The following CCDC63 variants were observed in gnomAD, a reference collection of about 807,000 sequenced individuals.
CCDC63 encodes coiled-coil domain containing 63.
A neutral mutation model predicts 63.6 loss-of-function variants in CCDC63; 54 were observed. The ratio of observed to expected loss-of-function variants is 0.85; its 90% confidence interval spans 0.68 to 1.07. The LOEUF (loss-of-function observed/expected upper bound fraction) is 1.07, where lower values mean the gene tolerates loss of function less well. CCDC63 is among the 50% of genes least tolerant of loss of function. CCDC63 has a pLI of 0.00. For synonymous variants in CCDC63, 253 were observed against 266.1 expected (o/e 0.95, Z 0.48); for missense variants, 637 against 689.6 (o/e 0.92, Z 0.86).
At chr12:110,854,671 A>T (rs957185646) in intron 3 of CCDC63, among the ~76,000 whole-genome samples, 1 of 152,174 alleles carries the variant, frequency 6.6e-6, no homozygotes, top group Non-Finnish European at 1.5e-5. Flanking sequence ...ACTTTCTTAG[A>T]TTCCCTCCAA....
intron 3 of CCDC63, among the ~76,000 whole-genome samples, chr12:110,856,171 T>C (rs2136647112): frequency 6.6e-6 from 1 of 151,390 alleles, no homozygotes; most frequent in South Asian, 2.1e-4. Context: ...CTGCAACCTC[T>C]GCCTTCCAGG....
intron 8 of CCDC63, 86 bp from the exon 9 acceptor site, chr12:110,892,990 G>A (rs2136725176): frequency 3.9e-6 from 4 of 1,037,792 alleles, no homozygotes; most frequent in Admixed American, 4.0e-5. Context: ...AATCCTCATC[G>A]ACTCTTTGAG....
chr12:110,867,263 G>A (rs2070973134), intron 4 of CCDC63, among the ~76,000 whole-genome samples: 4 of 103,188 alleles, frequency 3.9e-5, no homozygotes, highest in East Asian at 3.2e-4. Context: ...GCGGCTGGCC[G>A]GGCAGAGGGG....
chr12:110,867,710 C>T (rs2070988169), intron 4 of CCDC63, among the ~76,000 whole-genome samples: 2 of 121,778 alleles, frequency 1.6e-5, no homozygotes, highest in Admixed American at 7.8e-5. Context: ...GGGCTGACCC[C>T]CCCACCTCCC....
rs544182338 is a variant in CCDC63 at position 110,884,099 on chromosome 12, T to A, written c.923T>A (p.Leu308His). 8 of 1,614,132 alleles carry A rather than the reference T, an allele frequency of 5.0e-6. No homozygotes were observed. The highest frequency in any genetic ancestry group is 1.3e-5 in the African/African-American group (1 of 75,044). Residue 308 changes from leucine (L) to histidine (H), a missense_variant, in exon 8 of 12, where the codon CTC becomes CAC. By Grantham distance (99) the Leu-to-His change is moderately conservative. Coordinates refer to ENST00000308208, the MANE Select transcript of CCDC63 (RefSeq NM_152591.3). The stretch of plus-strand genomic sequence containing the variant: ...TTTGAGAGCTATGAGGTGGCCCACC[T>A]CCGGCTGCTGAAGCTGGCTGAGAGT... ...ESFESYEVAH[L>H]RLLKLAESGN...
chr12:110,868,325 G>T (rs1180009935), intron 4 of CCDC63, among the ~76,000 whole-genome samples: 1 of 136,836 alleles, frequency 7.3e-6, no homozygotes, highest in Non-Finnish European at 1.6e-5. Context: ...CTTCCCAGAC[G>T]GGGTGGCGGC....
At chr12:110,860,460 C>T (rs952622863) in intron 4 of CCDC63, among the ~76,000 whole-genome samples, 7 of 152,344 alleles carry the variant, frequency 4.6e-5, no homozygotes, top group African/African-American at 7.2e-5. Flanking sequence ...CACCCCTGCC[C>T]GCAACCCCGT....
At chr12:110,902,771 G>A (rs2071504582) in intron 10 of CCDC63, among the ~76,000 whole-genome samples, 1 of 152,086 alleles carries the variant, frequency 6.6e-6, no homozygotes, top group African/African-American at 2.4e-5. Context: ...AGGTGGAAGT[G>A]CAGTGGCACA....
At chr12:110,858,222 G>T (rs941528265) in intron 3 of CCDC63, among the ~76,000 whole-genome samples, 2 of 152,066 alleles carry the variant, frequency 1.3e-5, no homozygotes, top group Non-Finnish European at 2.9e-5. Context: ...GGAGATAATT[G>T]GCGGTAAAGT....
At chr12:110,874,832 C>T (rs1245856267) in intron 5 of CCDC63, among the ~76,000 whole-genome samples, 1 of 152,136 alleles carries the variant, frequency 6.6e-6, no homozygotes, top group Admixed American at 6.5e-5. Flanking sequence ...ACTGCTACCC[C>T]AAGTCAGGGA....
intron 1 of CCDC63, among the ~76,000 whole-genome samples, chr12:110,849,768 G>A (rs148177653): frequency 1.6e-4 from 25 of 152,146 alleles, no homozygotes; most frequent in South Asian, 1.0e-3. Context: ...CAAAGTGCTG[G>A]GATTACAGGC....
chr12:110,898,817 G>A (rs995729338), intron 9 of CCDC63, 116 bp from the exon 10 acceptor site: 87 of 571,294 alleles, frequency 1.5e-4, no homozygotes, highest in African/African-American at 1.4e-3. Flanking sequence ...AATTGATCTC[G>A]TGTCCCCTCA....
upstream of CCDC63, chr12:110,845,992 G>A (rs962567966): frequency 9.3e-5 from 14 of 150,702 alleles, no homozygotes; most frequent in African/African-American, 3.4e-4. Flanking sequence ...GAAATACACA[G>A]GGTTTCACCA....
upstream of CCDC63, among the ~76,000 whole-genome samples, chr12:110,845,002 C>T (rs987920586): frequency 5.3e-5 from 8 of 152,180 alleles, no homozygotes; most frequent in Non-Finnish European, 7.3e-5. Context: ...CATTTCCCAC[C>T]GCTGGCTCAT....
rs1168167713 is a variant in CCDC63, at chr12:110,884,265, G to A, written c.1074+15G>A. 6.2e-7 allele frequency: 1 copy of A among 1,607,162 alleles called. No individual in the cohort carries two copies. Among genetic ancestry groups the A allele is most frequent in the Non-Finnish European group, 8.5e-7 (1 of 1,174,138 alleles). On this transcript the variant is annotated intron_variant, in intron 8 of 11. Transcript: ENST00000308208. ...AACGAATCCAGGTCAGGGCGGCTCT[G>A]CTTTCCCAGGCCCTGGGCCCCTGTG...
intron 11 of CCDC63, among the ~76,000 whole-genome samples, chr12:110,906,053 A>ATAT (rs1555256976): frequency 2.3e-5 from 2 of 87,428 alleles, no homozygotes; most frequent in African/African-American, 9.2e-5. Context: ...TATATAATAT[A>ATAT]TATATAATAT....
In CCDC63 at chr12:110,899,075, A is replaced by C. The variant is rs760224067; in HGVS notation, c.1292A>C (p.Gln431Pro). 1.9e-6 allele frequency: 3 copies of C among 1,613,790 alleles called. 1 individual carries two copies. The highest frequency in any genetic ancestry group is 1.7e-5 in the Admixed American group (1 of 59,966). The change falls in exon 10 of 12, where the codon CAG (glutamine) becomes CCG (proline). Residue 431 changes from glutamine to proline, a missense_variant. Physicochemically the swap from Gln to Pro is moderately conservative, Grantham distance 76. Transcript: ENST00000308208. ...TGTGACGCCACCAAGATCCTGGTGC[A>C]GTTAGGGGAGACGGGGAAAGTCACT... ...INCDATKILV[Q>P]LGETGKVTDI...
chr12:110,878,751 T>C (rs1209245902), intron 5 of CCDC63, among the ~76,000 whole-genome samples: 1 of 152,222 alleles, frequency 6.6e-6, no homozygotes, highest in Admixed American at 6.5e-5. Flanking sequence ...TTTGGGTGTA[T>C]GCCCAGGAGA....
chr12:110,896,929 A>G (rs1566138877), intron 9 of CCDC63, among the ~76,000 whole-genome samples: 1 of 152,174 alleles, frequency 6.6e-6, no homozygotes, highest in Non-Finnish European at 1.5e-5. Context: ...ACTGAGTAAG[A>G]CTGAGGTGGG....
Sources: allele counts gnomAD v4.1 joint callset (sites outside exome capture counted in the v4.1 genomes callset), GRCh38; gene constraint gnomAD v4.1.1; transcripts MANE v1.5; gene names NCBI Gene and HGNC (gene_info 2026-07-23, HGNC 2026-07-21).